ANKH: variants seen among roughly 807,000 people sequenced by gnomAD.
ANKH encodes the protein ANKH inorganic pyrophosphate transport regulator.
ANKH carries 15 observed loss-of-function variants against 49.0 expected under a neutral mutation model. The ratio of observed to expected loss-of-function variants is 0.31; its 90% confidence interval spans 0.20 to 0.47. The LOEUF (loss-of-function observed/expected upper bound fraction) is 0.47. Among genes scored for constraint, ANKH ranks in the 20% least tolerant of loss-of-function variants. The probability of loss-of-function intolerance (pLI) is 1.00; values close to 1 mark genes in which losing one functional copy is unlikely to be tolerated. For missense variants in ANKH, 429 were observed against 652.0 expected (o/e 0.66, Z 3.72); for synonymous variants, 273 against 260.0 (o/e 1.05, Z -0.48).
At chr5:14,729,627 A>C (rs1003679787) in intron 8 of ANKH, among the ~76,000 whole-genome samples, 1 of 152,040 alleles carries the variant, frequency 6.6e-6, no homozygotes, top group Non-Finnish European at 1.5e-5. Flanking sequence ...GCCTTCCAAG[A>C]AGAGGTGGTC....
At chr5:14,827,786 A>G (rs1741386967) in intron 1 of ANKH, among the ~76,000 whole-genome samples, 1 of 152,156 alleles carries the variant, frequency 6.6e-6, no homozygotes, top group South Asian at 2.1e-4. Context: ...CTGAGTGCTG[A>G]TAACTCAGTG....
In ANKH at chr5:14,721,741, T is replaced by C. The variant is rs190434813; in HGVS notation, c.1012-4906A>G. Among the ~76,000 whole-genome samples the C allele has an allele frequency of 5.4e-3, 820 of 151,966 alleles. 6 individuals carry two copies. Among genetic ancestry groups the C allele is most frequent in the Middle Eastern group, 0.041 (12 of 294 alleles). Reference sequence around the variant, plus strand: ...GTCAGGAGATCGAGACCATCCTGGCTAACACGGTGAAACCCCATCTCTACT... The same window carrying C: ...GTCAGGAGATCGAGACCATCCTGGCCAACACGGTGAAACCCCATCTCTACT... On this transcript the variant is annotated intron_variant, in intron 8 of 11. Coordinates refer to ENST00000284268, the MANE Select transcript of ANKH (RefSeq NM_054027.6).
chr5:14,776,961 C>G lies in ANKH; in HGVS notation c.97-7770G>C, dbSNP rs537385078. On this transcript the variant is annotated intron_variant, in intron 1 of 11. Transcript: ENST00000284268. ...ATCAGTCTTCTCTACACAATGGGCA[C>G]TTAGCGATGTGGAATGGCTGACTTA... is the stretch of plus-strand genomic sequence containing the variant. Among the ~76,000 whole-genome samples the G allele has an allele frequency of 3.9e-5, 6 of 152,328 alleles. No individual in the cohort carries two copies. The East Asian group carries it at 7.7e-4, about 20-fold the overall frequency.
chr5:14,751,149 C>A lies in ANKH; in HGVS notation c.607G>T (p.Val203Leu). Reference sequence around the variant, plus strand: ...CCCAGGCACAGGGTGGTGCAGCGCACAAGTGCGCCCATGTACAAGGAGAGG... The same window carrying A: ...CCCAGGCACAGGGTGGTGCAGCGCAAAAGTGCGCCCATGTACAAGGAGAGG... ...PILSLYMGAL[V>L]RCTTLCLGYY... Residue 203 changes from valine to leucine, a missense_variant, in exon 5 of 12, where the codon GTG (valine) becomes TTG (leucine). Val to Leu is a conservative substitution (Grantham distance 32). This residue lies in a region of ANKH where 378 missense variants were observed against 615.3 expected (regional missense o/e 0.61). Transcript: ENST00000284268. The A allele has an allele frequency of 1.2e-6, 2 of 1,614,256 alleles. No individual in the cohort carries two copies. Among genetic ancestry groups the A allele is most frequent in the Non-Finnish European group, 8.5e-7 (1 of 1,180,050 alleles).
At chr5:14,798,904 T>C (rs1303740620) in intron 1 of ANKH, among the ~76,000 whole-genome samples, 3 of 152,180 alleles carry the variant, frequency 2.0e-5, no homozygotes, top group Non-Finnish European at 2.9e-5. Flanking sequence ...GTCACACCTC[T>C]CTCTTGGTAA....
chr5:14,797,403 A>G, intron 1 of ANKH: 2 of 1,611,030 alleles, frequency 1.2e-6, no homozygotes, highest in Non-Finnish European at 1.7e-6. Flanking sequence ...ACTGGAAGCT[A>G]AAATAGTCTC....
intron 1 of ANKH, among the ~76,000 whole-genome samples, chr5:14,835,407 T>C (rs999655335): frequency 1.3e-5 from 2 of 152,180 alleles, no homozygotes; most frequent in African/African-American, 2.4e-5. Flanking sequence ...CTTCCCGAGT[T>C]CAGCACTACT....
At chr5:14,793,037 A>ATATATATATATAT (rs1554006446) in intron 1 of ANKH, among the ~76,000 whole-genome samples, 1 of 56,206 alleles carries the variant, frequency 1.8e-5, no homozygotes, top group East Asian at 4.2e-4. Flanking sequence ...TATATATAAA[A>ATATATATATATAT]ATATATATAT....
At chr5:14,819,429 A>G (rs1460873181) in intron 1 of ANKH, among the ~76,000 whole-genome samples, 1 of 152,202 alleles carries the variant, frequency 6.6e-6, no homozygotes, top group East Asian at 1.9e-4. Context: ...AGGGGCTAAC[A>G]TTTCTACAAG....
intron 8 of ANKH, among the ~76,000 whole-genome samples, chr5:14,718,393 A>C (rs1737551413): frequency 6.6e-6 from 1 of 152,172 alleles, no homozygotes; most frequent in South Asian, 2.1e-4. Flanking sequence ...CTACAACTTA[A>C]GAGGAAACAA....
chr5:14,772,641 C>G (rs904279506), intron 1 of ANKH, among the ~76,000 whole-genome samples: 11 of 152,218 alleles, frequency 7.2e-5, no homozygotes, highest in African/African-American at 1.2e-4. Flanking sequence ...CTGTGCTCAA[C>G]AAACATCTCT....
In ANKH at chr5:14,713,337, G is replaced by C. The variant is rs1000845982; in HGVS notation, c.1265+207C>G. ...GACAGGAGCTCAGTGGCTATTATTC[G>C]TGTCTGGGCCTGATTTCAAAAGCAC... On this transcript the variant is annotated intron_variant, in intron 10 of 11. Coordinates refer to ENST00000284268, the MANE Select transcript of ANKH (RefSeq NM_054027.6). The surrounding 1 kb of genome is among the most constrained non-coding windows in gnomAD (Gnocchi z 4.4). Among the ~76,000 whole-genome samples the C allele has an allele frequency of 2.0e-5, 3 of 152,204 alleles. No homozygotes were observed. The highest frequency in any genetic ancestry group is 1.5e-5 in the Non-Finnish European group (1 of 68,038).
In ANKH at chr5:14,802,471, T is replaced by C. The variant is rs1210399672; in HGVS notation, c.97-33280A>G. Among the ~76,000 whole-genome samples, 6 of 152,276 alleles carry C rather than the reference T, an allele frequency of 3.9e-5. No homozygotes were observed. In the East Asian group the frequency reaches 1.2e-3, roughly 29 times the overall value. On this transcript the variant is annotated intron_variant, in intron 1 of 11. Coordinates refer to ENST00000284268, the MANE Select transcript of ANKH (RefSeq NM_054027.6). ...ACTTGATCTCTCTTGACCTTATCGT[T>C]GTCCCCTCGAGTCCATTTTGCTTCA...
chr5:14,797,390 A>C, intron 1 of ANKH: 1 of 1,610,992 alleles, frequency 6.2e-7, no homozygotes, highest in Admixed American at 1.7e-5. Context: ...TGTGATCAGT[A>C]CCACTGGAAG....
chr5:14,738,138 C>T (rs1738244410), intron 8 of ANKH, among the ~76,000 whole-genome samples: 1 of 152,240 alleles, frequency 6.6e-6, no homozygotes, highest in Non-Finnish European at 1.5e-5. Flanking sequence ...GCAGAACCAA[C>T]TTCTGGAGTA....
chr5:14,821,038 C>G (rs991730665), intron 1 of ANKH, among the ~76,000 whole-genome samples: 1 of 150,974 alleles, frequency 6.6e-6, no homozygotes, highest in African/African-American at 2.4e-5. Context: ...ATGGAGGTTG[C>G]AGTGAGACCT....
At position 14,711,182 on chromosome 5, in the gene ANKH, A is replaced by C; in HGVS notation, c.*15T>G. 6.2e-7 allele frequency: 1 copy of C among 1,601,432 alleles called. No homozygotes were observed. Among genetic ancestry groups the C allele is most frequent in the Non-Finnish European group, 8.6e-7 (1 of 1,168,452 alleles). ...CTGACTGACTGTCCCTGCAGTGCCC[A>C]TGGCGTCCCGTGCCTTATTCATTCT... On this transcript the variant is annotated 3_prime_UTR_variant, in exon 12 of 12. Transcript: ENST00000284268.
chr5:14,833,761 G>A (rs1324745982), intron 1 of ANKH, among the ~76,000 whole-genome samples: 3 of 152,200 alleles, frequency 2.0e-5, no homozygotes, highest in Admixed American at 1.3e-4. Flanking sequence ...ATGCAAAGCA[G>A]AAAAGTACCT....
chr5:14,752,385 T>C (rs1297438590), intron 4 of ANKH, among the ~76,000 whole-genome samples: 2 of 152,174 alleles, frequency 1.3e-5, no homozygotes, highest in African/African-American at 4.8e-5. Context: ...ACATTTAAAA[T>C]ACTAACCTAT....
Sources: gnomAD v4.1 joint callset for allele counts (sites outside exome capture counted in the v4.1 genomes callset) on GRCh38, gnomAD v4.1.1 for gene constraint, gnomAD v4.1.1 regional missense constraint, Gnocchi (gnomAD v3.1) non-coding constraint, MANE v1.5 for transcripts, NCBI Gene and HGNC (gene_info 2026-07-23, HGNC 2026-07-21) for gene names.